The following PIR variants were observed in gnomAD, a reference collection of about 807,000 sequenced individuals.
The protein encoded by PIR is pirin (iron-binding nuclear protein).
Under a neutral mutation model 24.2 loss-of-function variants are expected in PIR, and 22 were observed. The ratio of observed to expected loss-of-function variants is 0.91; its 90% CI spans 0.65 to 1.30. The LOEUF is 1.30. Ranked by LOEUF, PIR falls within the 50% of genes most tolerant of loss-of-function variation. The pLI is 0.00. For synonymous variants in PIR, 80 were observed against 79.6 expected, an observed-to-expected ratio of 1.00 and a Z score of -0.03; for missense variants, 220 against 220.3, an observed-to-expected ratio of 1.00 and a Z score of 0.01.
intron 2 of PIR, among the ~76,000 whole-genome samples, chrX:15,483,164 C>CATAT (rs772910331): frequency 0.11 from 6,183 of 56,916 alleles, 512 homozygotes; most frequent in African/African-American, 0.34. Context: ...ATACATTATA[C>CATAT]ATATATATAT....
intron 3 of PIR, among the ~76,000 whole-genome samples, chrX:15,478,153 G>A (rs1000664043): frequency 2.7e-5 from 3 of 110,680 alleles, no homozygotes; most frequent in South Asian, 7.7e-4. Flanking sequence ...TCCACACAGA[G>A]AACACAGAGA....
intron 7 of PIR, among the ~76,000 whole-genome samples, chrX:15,405,472 T>C (rs975773053): frequency 3.0e-4 from 34 of 112,220 alleles, no homozygotes; most frequent in Non-Finnish European, 2.1e-4. Context: ...ATATTTGTGA[T>C]CTGTCCTTTT....
chrX:15,478,247 T>C (rs955576896), intron 3 of PIR, among the ~76,000 whole-genome samples: 10 of 111,212 alleles, frequency 9.0e-5, no homozygotes, highest in Admixed American at 2.9e-4. Context: ...GCAAGACAGA[T>C]AGAATACAAT....
chrX:15,406,068 G>A (rs1390987087), intron 7 of PIR, among the ~76,000 whole-genome samples: 1 of 112,293 alleles, frequency 8.9e-6, no homozygotes, highest in East Asian at 2.8e-4. Context: ...TATTGCCCAA[G>A]GAGGTGGCCA....
intron 6 of PIR, among the ~76,000 whole-genome samples, chrX:15,411,751 T>A (rs1924750095): frequency 9.0e-6 from 1 of 111,623 alleles, no homozygotes; most frequent in Non-Finnish European, 1.9e-5. Context: ...CCTGGCCTCC[T>A]AGGACAAGAG....
intron 7 of PIR, among the ~76,000 whole-genome samples, chrX:15,398,995 A>G (rs1215828991): frequency 8.9e-6 from 1 of 111,820 alleles, no homozygotes; most frequent in Non-Finnish European, 1.9e-5. Context: ...GAAGATTGCA[A>G]GAGTGGTTCT....
Position 15,390,238 on chromosome X carries a change from C to T in PIR, c.707G>A (p.Ser236Asn). 7 of 1,138,285 alleles carry T rather than the reference C, an allele frequency of 6.1e-6. No individual in the cohort carries two copies. Among genetic ancestry groups the T allele is most frequent in the African/African-American group, 1.8e-5 (1 of 56,191 alleles). The allele number at this position is 1,138,285 out of a possible 1,213,427, so 93.8% of individuals were successfully genotyped here. A position where few individuals can be genotyped will look rare whatever the true frequency, so the allele number is the denominator to read the frequency against. ...VQVENKDPKRSHFVLIAGEPL... is the reference protein window; with the variant it reads ...VQVENKDPKRNHFVLIAGEPL... ...CTCCCCAGCAATTAAGACAAAGTGG[C>T]TTCTCTTGGGATCCTAAAGTTAACA... Residue 236 changes from serine (S) to asparagine (N), a missense_variant, in exon 9 of 10, where the codon AGC (serine) becomes AAC (asparagine). Ser to Asn is a conservative substitution (Grantham distance 46). Transcript: ENST00000380420.
At chrX:15,428,246 G>A (rs769046217) in intron 5 of PIR, among the ~76,000 whole-genome samples, 2 of 111,738 alleles carry the variant, frequency 1.8e-5, no homozygotes, top group South Asian at 7.5e-4. Context: ...TAAAAGAAGG[G>A]CAGCACACAA....
Position 15,488,297 on chromosome X carries a change from A to G in PIR, c.96+2865T>C, listed in dbSNP as rs1170386583. 4.1e-4 allele frequency among the ~76,000 whole-genome samples: 28 copies of G among 67,984 alleles called. No homozygotes were observed. In the East Asian group the frequency reaches 4.1e-3, roughly 10 times the overall value. 59.0% of individuals were successfully genotyped at this position (67,984 alleles called of 115,157 possible). A position where few individuals can be genotyped will look rare whatever the true frequency, so the allele number is the denominator to read the frequency against. ...CCGTCTCAAAAAAAAAAAAAAAAAA[A>G]AAAGAAAAGAAAGAAAAAGAAAAAG... On this transcript the variant is annotated intron_variant, in intron 2 of 9. Coordinates refer to ENST00000380420, the MANE Select transcript of PIR (RefSeq NM_001018109.3).
intron 7 of PIR, among the ~76,000 whole-genome samples, chrX:15,399,073 T>G (rs1417499582): frequency 2.7e-5 from 3 of 110,461 alleles, no homozygotes; most frequent in Non-Finnish European, 1.9e-5. Flanking sequence ...GGGGTGAGAT[T>G]TGGATTAGGT....
At chrX:15,407,233 C>G (rs1311651471) in intron 7 of PIR, among the ~76,000 whole-genome samples, 2 of 111,763 alleles carry the variant, frequency 1.8e-5, no homozygotes, top group Admixed American at 9.5e-5. Flanking sequence ...AACGTCTTAG[C>G]GAGGTATCAA....
chrX:15,416,935 T>TGCAACAAAA (rs1924940230), intron 6 of PIR, among the ~76,000 whole-genome samples: 1 of 111,111 alleles, frequency 9.0e-6, no homozygotes, highest in African/African-American at 3.3e-5. Flanking sequence ...GACACTTTAT[T>TGCAACAAAA]TATTTATTTT....
chrX:15,465,329 C>T (rs1442843284), intron 3 of PIR, among the ~76,000 whole-genome samples: 1 of 111,382 alleles, frequency 9.0e-6, no homozygotes, highest in African/African-American at 3.3e-5. Context: ...CTTATTATAA[C>T]CTTTTATTTG....
chrX:15,426,092 A>G (rs1211435428), intron 5 of PIR, 102 bp from the exon 6 acceptor site: 2 of 514,999 alleles, frequency 3.9e-6, no homozygotes, highest in Admixed American at 6.0e-5. Context: ...GATCCATTAT[A>G]TATATAGTTC....
intron 4 of PIR, among the ~76,000 whole-genome samples, chrX:15,458,959 T>G (rs1476057593): frequency 2.7e-5 from 3 of 112,855 alleles, no homozygotes; most frequent in Non-Finnish European, 5.6e-5. Flanking sequence ...GTCTTTAAAT[T>G]TCACTTTCAT....
intron 8 of PIR, among the ~76,000 whole-genome samples, chrX:15,391,710 G>A (rs986408378): frequency 9.0e-6 from 1 of 111,579 alleles, no homozygotes; most frequent in Non-Finnish European, 1.9e-5. Context: ...CAATGTGGCG[G>A]TTAGTTGTAA....
At chrX:15,448,586 G>A (rs1338782513) in intron 5 of PIR, among the ~76,000 whole-genome samples, 1 of 111,864 alleles carries the variant, frequency 8.9e-6, no homozygotes, top group African/African-American at 3.3e-5. Context: ...TTGGCCTTAG[G>A]CAAAATCCAG....
At chrX:15,488,842 AG>A (rs2147091576) in intron 2 of PIR, among the ~76,000 whole-genome samples, 1 of 111,551 alleles carries the variant, frequency 9.0e-6, no homozygotes, top group Admixed American at 9.5e-5. Flanking sequence ...TAGAACTCAG[AG>A]GGGTTGTAAA....
chrX:15,444,416 T>C (rs983678354), intron 5 of PIR, among the ~76,000 whole-genome samples: 8 of 112,579 alleles, frequency 7.1e-5, no homozygotes, highest in Non-Finnish European at 1.3e-4. Flanking sequence ...AACATAACTT[T>C]TATATGCACT....
Sources: allele counts gnomAD v4.1 joint callset (sites outside exome capture counted in the v4.1 genomes callset), GRCh38; gene constraint gnomAD v4.1.1; transcripts MANE v1.5; gene names NCBI Gene and HGNC (gene_info 2026-07-23, HGNC 2026-07-21).